Variants in PPP2R5C observed in about 807,000 individuals in gnomAD.
PPP2R5C encodes the protein serine/threonine-protein phosphatase 2A 56 kDa regulatory subunit gamma isoform.
In PPP2R5C, 7 loss-of-function variants were observed where a neutral mutation model predicts 68.9. The observed-to-expected ratio is 0.10, with a 90% confidence interval of 0.06 to 0.19. The LOEUF is 0.19. Among genes scored for constraint, PPP2R5C ranks in the 10% least tolerant of loss-of-function variants. The pLI, the probability that PPP2R5C is intolerant of heterozygous loss-of-function variation, is 1.00. For missense variants in PPP2R5C, 348 were observed against 641.3 expected (o/e 0.54, Z 4.94); for synonymous variants, 210 against 222.2 (o/e 0.95, Z 0.49).
intron 1 of PPP2R5C, among the ~76,000 whole-genome samples, chr14:101,841,340 T>C (rs2041457073): frequency 6.6e-6 from 1 of 152,244 alleles, no homozygotes; most frequent in Admixed American, 6.5e-5. Context: ...CTCAGAGTGC[T>C]GTGCCTTGAG....
At chr14:101,854,643 G>GC (rs2042319280) in intron 1 of PPP2R5C, among the ~76,000 whole-genome samples, 1 of 152,076 alleles carries the variant, frequency 6.6e-6, no homozygotes, top group Non-Finnish European at 1.5e-5. Flanking sequence ...GCAACACCCC[G>GC]CCGCCCCCAG....
upstream of PPP2R5C, among the ~76,000 whole-genome samples, chr14:101,761,198 G>A (rs1381927023): frequency 6.6e-6 from 1 of 152,216 alleles, no homozygotes; most frequent in Non-Finnish European, 1.5e-5. Context: ...ACTCTTGACT[G>A]CAACGAGAGC....
At chr14:101,762,846 C>T in intron 1 of PPP2R5C, 59 bp from the exon 2 acceptor site, 2 of 1,399,294 alleles carry the variant, frequency 1.4e-6, no homozygotes, top group Non-Finnish European at 2.0e-6. Flanking sequence ...TTTGGCTTAT[C>T]TGATGTTTAC....
At chr14:101,831,390 A>G (rs1334275931) in intron 1 of PPP2R5C, among the ~76,000 whole-genome samples, 1 of 152,248 alleles carries the variant, frequency 6.6e-6, no homozygotes, top group East Asian at 1.9e-4. Flanking sequence ...CAAAATAACT[A>G]GAAGCCAGTT....
At chr14:101,817,861 G>T (rs186643310) in intron 1 of PPP2R5C, among the ~76,000 whole-genome samples, 128 of 152,288 alleles carry the variant, frequency 8.4e-4, no homozygotes, top group African/African-American at 2.8e-3. Context: ...CTGGAGTGTC[G>T]TGAGACTCAG....
intron 12 of PPP2R5C, chr14:101,914,165 G>T (rs1285761246): frequency 6.6e-6 from 3 of 456,038 alleles, no homozygotes; most frequent in South Asian, 4.6e-5. Context: ...AACGTCTGTG[G>T]TGGTGGCAGG....
chr14:101,800,414 T>C (rs1008951393), intron 3 of PPP2R5C, among the ~76,000 whole-genome samples: 9 of 151,840 alleles, frequency 5.9e-5, no homozygotes, highest in African/African-American at 2.2e-4. Flanking sequence ...GTTCAAAAAA[T>C]TAGCCAGGCG....
chr14:101,799,447 G>A (rs549592811), intron 3 of PPP2R5C, among the ~76,000 whole-genome samples: 11 of 152,240 alleles, frequency 7.2e-5, no homozygotes, highest in Admixed American at 4.6e-4. Flanking sequence ...GCCCTTTTAC[G>A]GGTGAGGAAA....
At chr14:101,788,007 G>C (rs532465909) in intron 3 of PPP2R5C, among the ~76,000 whole-genome samples, 1 of 152,246 alleles carries the variant, frequency 6.6e-6, no homozygotes, top group Admixed American at 6.5e-5. Context: ...ACAAAACCAA[G>C]CCCCTATTCT....
At chr14:101,921,391 T>C (rs1829753578) in intron 13 of PPP2R5C, 1 of 153,052 alleles carries the variant, frequency 6.5e-6, no homozygotes, top group African/African-American at 2.4e-5. Context: ...TTGAAAAATG[T>C]TTGGAGTCGT....
chr14:101,795,143 G>A (rs1048604053), intron 3 of PPP2R5C, among the ~76,000 whole-genome samples: 4 of 152,172 alleles, frequency 2.6e-5, no homozygotes, highest in African/African-American at 9.7e-5. Context: ...AAATGATACT[G>A]TTCTGTTAAT....
At chr14:101,796,456 A>C (rs1392182665) in intron 3 of PPP2R5C, 1 of 152,366 alleles carries the variant, frequency 6.6e-6, no homozygotes, top group African/African-American at 2.4e-5. Context: ...TTCTCAGAGC[A>C]AGGGGAAGGT....
chr14:101,776,546 G>A (rs999913308), intron 2 of PPP2R5C, among the ~76,000 whole-genome samples: 2 of 152,108 alleles, frequency 1.3e-5, no homozygotes, highest in Non-Finnish European at 2.9e-5. Flanking sequence ...CTCCCAAAGC[G>A]TGTGTGTCTC....
intron 2 of PPP2R5C, among the ~76,000 whole-genome samples, chr14:101,867,651 A>T (rs542479584): frequency 2.3e-4 from 35 of 151,154 alleles, no homozygotes; most frequent in Non-Finnish European, 4.3e-4. Flanking sequence ...GGTGGCGGGC[A>T]CCTGTAGTCC....
At chr14:101,779,235 G>A (rs532260266) in intron 2 of PPP2R5C, among the ~76,000 whole-genome samples, 7 of 152,080 alleles carry the variant, frequency 4.6e-5, no homozygotes, top group African/African-American at 1.2e-4. Context: ...AGCAAGCTCC[G>A]GAGCCTGCCT....
upstream of PPP2R5C, among the ~76,000 whole-genome samples, chr14:101,808,781 G>A (rs1341671462): frequency 6.6e-6 from 1 of 152,202 alleles, no homozygotes; most frequent in Non-Finnish European, 1.5e-5. Flanking sequence ...TTGTTGGTGT[G>A]AAGAAAGGAG....
intron 1 of PPP2R5C, among the ~76,000 whole-genome samples, chr14:101,821,300 A>G (rs1298848445): frequency 6.6e-6 from 1 of 151,870 alleles, no homozygotes; most frequent in Non-Finnish European, 1.5e-5. Context: ...GGCCCCATTT[A>G]CATTTTTTCT....
chr14:101,879,065 C>T lies in PPP2R5C; in HGVS notation c.295-3096C>T, dbSNP rs894860806. On this transcript the variant is annotated intron_variant, in intron 2 of 13. Coordinates refer to ENST00000334743, the Ensembl canonical transcript of PPP2R5C. This position sits in a 1 kb window ranked among gnomAD's most constrained non-coding sequence, Gnocchi z 4.2. ...CTAGGTTAAAGCTTTCATCTCAGAC[C>T]CTCTGCAAATGGCATCTAAGCCGCA... Among the ~76,000 whole-genome samples, 12 of 152,210 alleles carry T rather than the reference C, an allele frequency of 7.9e-5. No homozygotes were observed. The highest frequency in any genetic ancestry group is 2.9e-4 in the African/African-American group (12 of 41,442).
At chr14:101,859,067 G>A (rs2042604437) in intron 2 of PPP2R5C, among the ~76,000 whole-genome samples, 1 of 152,210 alleles carries the variant, frequency 6.6e-6, no homozygotes, top group Admixed American at 6.5e-5. Flanking sequence ...GGGCTCCAGA[G>A]CGTTGCCAGC....
Sources: gnomAD v4.1 joint callset for allele counts (sites outside exome capture counted in the v4.1 genomes callset) on GRCh38, gnomAD v4.1.1 for gene constraint, Gnocchi (gnomAD v3.1) non-coding constraint, MANE v1.5 for transcripts, NCBI Gene and HGNC (gene_info 2026-07-23, HGNC 2026-07-21) for gene names.